Variants in ATP5PF observed in about 807,000 individuals in gnomAD.
ATP5PF encodes ATP synthase peripheral stalk subunit F6, mitochondrial.
A neutral mutation model predicts 12.0 loss-of-function variants in ATP5PF; 7 were observed. The ratio of observed to expected loss-of-function variants is 0.58; its 90% CI spans 0.33 to 1.10. ATP5PF has a LOEUF of 1.10. Among genes scored for constraint, ATP5PF ranks in the 50% least tolerant of loss-of-function variants. The pLI, the probability that ATP5PF is intolerant of heterozygous loss-of-function variation, is 0.03. For missense variants in ATP5PF, 120 were observed against 127.7 expected (o/e 0.94, Z 0.29); for synonymous variants, 41 against 45.4 (o/e 0.90, Z 0.39).
chr21:25,735,109 C>G, upstream of ATP5PF: 1 of 760,002 alleles, frequency 1.3e-6, no homozygotes, highest in Non-Finnish European at 2.3e-6. Flanking sequence ...CCTCCGCCAT[C>G]TTTTCTTCGC....
chr21:25,730,712 C>A (rs1480207227), intron 1 of ATP5PF, among the ~76,000 whole-genome samples: 1 of 85,936 alleles, frequency 1.2e-5, no homozygotes, highest in Non-Finnish European at 2.2e-5. Context: ...CCAGCCTGGG[C>A]AACAAGAGCA....
intron 2 of ATP5PF, 70 bp from the exon 3 acceptor site, chr21:25,725,420 C>T (rs1369591790): frequency 2.0e-5 from 29 of 1,430,802 alleles, no homozygotes; most frequent in Non-Finnish European, 2.7e-5. Context: ...TACTTTTCAC[C>T]ACCACATTCC....
intron 2 of ATP5PF, among the ~76,000 whole-genome samples, chr21:25,727,570 T>G (rs886941888): frequency 1.3e-5 from 2 of 152,240 alleles, no homozygotes; most frequent in African/African-American, 2.4e-5. Flanking sequence ...CAGTGCTGGA[T>G]GCCAGCCCAG....
chr21:25,734,748 C>T (rs973773377), intron 1 of ATP5PF, 105 bp downstream of exon 1: 82 of 1,175,692 alleles, frequency 7.0e-5, no homozygotes, highest in Non-Finnish European at 8.7e-5. Context: ...GGACACAGAG[C>T]TGCTCTCTCC....
Position 25,725,363 on chromosome 21 carries a change from T to A in ATP5PF, c.165-13A>T. 1 of 1,563,394 alleles carries A rather than the reference T, an allele frequency of 6.4e-7. No homozygotes were observed. Among genetic ancestry groups the A allele is most frequent in the Non-Finnish European group, 8.6e-7 (1 of 1,160,652 alleles). On this transcript the variant is annotated splice_polypyrimidine_tract_variant and intron_variant, in intron 2 of 3. Coordinates refer to ENST00000284971, the MANE Select transcript of ATP5PF (RefSeq NM_001003703.2). Reference sequence around the variant, plus strand: ...TCCTCCAGATGTCCTGTTAAGTAAATGAGCAAACAAAAATTAATTTTGTGT... The same window carrying A: ...TCCTCCAGATGTCCTGTTAAGTAAAAGAGCAAACAAAAATTAATTTTGTGT...
chr21:25,733,728 C>T (rs1253490087), intron 1 of ATP5PF, among the ~76,000 whole-genome samples: 1 of 152,150 alleles, frequency 6.6e-6, no homozygotes, highest in African/African-American at 2.4e-5. Flanking sequence ...TCCTTGTACC[C>T]TTACAGCAAT....
intron 1 of ATP5PF, among the ~76,000 whole-genome samples, chr21:25,731,112 C>T (rs897481733): frequency 1.3e-5 from 2 of 152,062 alleles, no homozygotes; most frequent in Admixed American, 6.5e-5. Context: ...CGTGCTAGCG[C>T]GTGCCTGTAA....
chr21:25,729,569 C>A, intron 2 of ATP5PF, 62 bp downstream of exon 2: 2 of 1,424,740 alleles, frequency 1.4e-6, no homozygotes, highest in South Asian at 1.4e-5. Flanking sequence ...ATTTTTATTA[C>A]CACCTTGAAA....
intron 1 of ATP5PF, 77 bp downstream of exon 1, chr21:25,734,776 G>A (rs2034953682): frequency 2.9e-6 from 4 of 1,397,604 alleles, no homozygotes; most frequent in African/African-American, 1.4e-5. Flanking sequence ...AAAGGTGAGA[G>A]GCAGCCCAGG....
At chr21:25,734,712 C>T in intron 1 of ATP5PF, 141 bp downstream of exon 1, 2 of 845,732 alleles carry the variant, frequency 2.4e-6, no homozygotes, top group South Asian at 3.6e-5. Flanking sequence ...CAGCTGTGAC[C>T]CCGGGCCAGG....
At chr21:25,730,675 A>C (rs1168111854) in intron 1 of ATP5PF, among the ~76,000 whole-genome samples, 1 of 136,422 alleles carries the variant, frequency 7.3e-6, no homozygotes, top group Non-Finnish European at 1.6e-5. Flanking sequence ...CAGAGGATGC[A>C]GTGAGCCGAG....
intron 2 of ATP5PF, among the ~76,000 whole-genome samples, chr21:25,726,743 C>A (rs113438481): frequency 1.5e-4 from 23 of 152,170 alleles, no homozygotes; most frequent in African/African-American, 5.6e-4. Flanking sequence ...TGAAGAAATT[C>A]TTCTGTTTTT....
intron 2 of ATP5PF, among the ~76,000 whole-genome samples, chr21:25,728,163 A>C (rs1471452267): frequency 6.6e-6 from 1 of 152,170 alleles, no homozygotes; most frequent in Non-Finnish European, 1.5e-5. Flanking sequence ...TTTTGCTAAC[A>C]TGTCTGTCTT....
At chr21:25,728,795 C>T (rs73161767) in intron 2 of ATP5PF, among the ~76,000 whole-genome samples, 3 of 152,244 alleles carry the variant, frequency 2.0e-5, no homozygotes, top group Middle Eastern at 3.4e-3. Flanking sequence ...AAGCACCCAG[C>T]GTTTCCCTAC....
At chr21:25,729,918 G>GT in intron 1 of ATP5PF, 117 bp from the exon 2 acceptor site, 1 of 1,175,266 alleles carries the variant, frequency 8.5e-7, no homozygotes, top group Non-Finnish European at 1.2e-6. Context: ...TCAGATCTCA[G>GT]TCTATACCTG....
upstream of ATP5PF, chr21:25,734,967 G>A (rs935962541): frequency 3.8e-6 from 6 of 1,567,318 alleles, no homozygotes; most frequent in Non-Finnish European, 4.3e-6. Context: ...ATGGGCCGCC[G>A]TTTCAGTCGG....
chr21:25,725,275 T>A lies in ATP5PF; in HGVS notation c.240A>T (p.Gln80His). 1 of 1,613,460 alleles carries A rather than the reference T, an allele frequency of 6.2e-7. No individual in the cohort carries two copies. Among genetic ancestry groups the A allele is most frequent in the Non-Finnish European group, 8.5e-7 (1 of 1,179,974 alleles). ...TATTCATGTCTGCATTACCAAACAT[T>A]TGCTTGAGCTTAAAAAGCTCCCTCT... ...ELERELFKLKQMFGNADMNTF... is the reference protein window; with the variant it reads ...ELERELFKLKHMFGNADMNTF... The change falls in exon 3 of 4, where the codon CAA becomes CAT. Residue 80 changes from glutamine to histidine, a missense_variant. Transcript: ENST00000284971.
At chr21:25,730,323 G>A (rs1601088186) in intron 1 of ATP5PF, among the ~76,000 whole-genome samples, 1 of 152,314 alleles carries the variant, frequency 6.6e-6, no homozygotes, top group East Asian at 1.9e-4. Context: ...AGAAGAACCA[G>A]CAAAGAAAAA....
Position 25,731,227 on chromosome 21 carries a change from C to T in ATP5PF, c.-7-1426G>A, listed in dbSNP as rs568033724. ...ACTGCACTCCAGCCTGGATGCAGGGCAAGACTCTGTCTCAAAAAGAAAAAA... is the reference window on the plus strand; with the variant it reads ...ACTGCACTCCAGCCTGGATGCAGGGTAAGACTCTGTCTCAAAAAGAAAAAA... On this transcript the variant is annotated intron_variant, in intron 1 of 3. Coordinates refer to ENST00000284971, the MANE Select transcript of ATP5PF (RefSeq NM_001003703.2). Among the ~76,000 whole-genome samples, 17 of 151,940 alleles carry T rather than the reference C, an allele frequency of 1.1e-4. No homozygotes were observed. In the South Asian group the frequency reaches 3.3e-3, roughly 30 times the overall value.
Sources: gnomAD v4.1 joint callset for allele counts (sites outside exome capture counted in the v4.1 genomes callset) on GRCh38, gnomAD v4.1.1 for gene constraint, MANE v1.5 for transcripts, NCBI Gene and HGNC (gene_info 2026-07-23, HGNC 2026-07-21) for gene names.